Variants in PRKG2 observed in about 807,000 individuals in gnomAD.
PRKG2 encodes the protein protein kinase cGMP-dependent 2, also known as cGMP-dependent protein kinase 2.
A neutral mutation model predicts 97.2 loss-of-function variants in PRKG2; 33 were observed. That is an observed-to-expected ratio of 0.34 (90% CI 0.26 to 0.45). PRKG2 has a LOEUF of 0.45. PRKG2 is among the 20% of genes least tolerant of loss of function. PRKG2 has a pLI of 1.00. For missense variants in PRKG2, 638 were observed against 900.0 expected (o/e 0.71, Z 3.73); for synonymous variants, 330 against 321.8 (o/e 1.03, Z -0.27).
chr4:81,119,730 A>C (rs1415101013), intron 14 of PRKG2, among the ~76,000 whole-genome samples: 1 of 151,282 alleles, frequency 6.6e-6, no homozygotes, highest in African/African-American at 2.4e-5. Context: ...GCTGGAGTGC[A>C]GTGGTGAGAT....
At chr4:81,145,486 T>C (rs1747771143) in intron 9 of PRKG2, among the ~76,000 whole-genome samples, 1 of 152,172 alleles carries the variant, frequency 6.6e-6, no homozygotes, top group African/African-American at 2.4e-5. Flanking sequence ...CTTTAGTAGT[T>C]CTCTGAGGAT....
rs537798597 is a variant in PRKG2 at position 81,135,385 on chromosome 4, T to C, written c.1635-89A>G. The C allele has an allele frequency of 2.7e-4, 362 of 1,330,022 alleles. 1 individual carries two copies. The East Asian group carries it at 4.1e-3, about 15-fold the overall frequency. The allele number at this position is 1,330,022 out of a possible 1,614,324, so 82.4% of individuals were successfully genotyped here. A position where few individuals can be genotyped will look rare whatever the true frequency, so the allele number is the denominator to read the frequency against. On this transcript the variant is annotated intron_variant, in intron 13 of 18. Coordinates refer to ENST00000264399, the MANE Select transcript of PRKG2 (RefSeq NM_006259.3). ...TCAAATCAATTATTGGATTGGCAGG[T>C]TTATGCAATATAAATATTTTGCAGG... is the stretch of plus-strand genomic sequence containing the variant.
chr4:81,112,900 A>T (rs191995856), intron 14 of PRKG2, among the ~76,000 whole-genome samples: 2 of 152,364 alleles, frequency 1.3e-5, no homozygotes, highest in East Asian at 3.9e-4. Context: ...TAGACAACAG[A>T]AAGTTAATAA....
At chr4:81,094,010 T>C (rs1416077170) in intron 17 of PRKG2, among the ~76,000 whole-genome samples, 1 of 152,202 alleles carries the variant, frequency 6.6e-6, no homozygotes, top group African/African-American at 2.4e-5. Context: ...ATAGACTTGC[T>C]TGATGCAGGG....
rs561190055 is a variant in PRKG2 at position 81,098,094 on chromosome 4, C to T, written c.2127-5642G>A. On this transcript the variant is annotated intron_variant, in intron 17 of 18. Transcript: ENST00000264399. ...GTGGGCTGGGAAAGGCAGACCCACC[C>T]GTAATCTCAGTGGGCACAACCTAAT... Among the ~76,000 whole-genome samples the T allele has an allele frequency of 5.3e-5, 8 of 152,074 alleles. 1 individual carries two copies. The South Asian group carries it at 1.2e-3, about 24-fold the overall frequency.
intron 9 of PRKG2, among the ~76,000 whole-genome samples, chr4:81,145,645 T>C (rs1747787979): frequency 6.6e-6 from 1 of 152,148 alleles, no homozygotes; most frequent in African/African-American, 2.4e-5. Flanking sequence ...TCCTCACCAG[T>C]GAAAGGTCAA....
At chr4:81,172,992 A>G (rs929590437) in intron 3 of PRKG2, among the ~76,000 whole-genome samples, 6 of 152,134 alleles carry the variant, frequency 3.9e-5, no homozygotes, top group Non-Finnish European at 8.8e-5. Flanking sequence ...GCTAAATTCT[A>G]TTCTATCAAA....
chr4:81,156,787 C>T (rs1414269193), intron 6 of PRKG2, among the ~76,000 whole-genome samples: 9 of 152,102 alleles, frequency 5.9e-5, no homozygotes, highest in African/African-American at 1.4e-4. Flanking sequence ...CACTCAAAAC[C>T]GCCAACTACA....
intron 18 of PRKG2, among the ~76,000 whole-genome samples, chr4:81,091,065 G>C (rs56236182): frequency 0.049 from 7,456 of 152,140 alleles, 658 homozygotes; most frequent in African/African-American, 0.17. Context: ...GGCATTTAAA[G>C]AATGATCAAG....
chr4:81,131,210 T>C (rs1478646874), intron 14 of PRKG2, among the ~76,000 whole-genome samples: 1 of 151,962 alleles, frequency 6.6e-6, no homozygotes, highest in African/African-American at 2.4e-5. Flanking sequence ...CACAGCACAG[T>C]CCCTCATGGC....
At position 81,139,117 on chromosome 4, in the gene PRKG2, A is replaced by G. The variant is rs150756344; in HGVS notation, c.1544+1416T>C. On this transcript the variant is annotated intron_variant, in intron 12 of 18. Transcript: ENST00000264399. Reference sequence around the variant, plus strand: ...CTACCCATGAATTCACAAGGATAGAAAGCTGTGGTCTATAATAATTAATAT... The same window carrying G: ...CTACCCATGAATTCACAAGGATAGAGAGCTGTGGTCTATAATAATTAATAT... 9.9e-3 allele frequency among the ~76,000 whole-genome samples: 1,511 copies of G among 152,296 alleles called. 27 individuals are homozygous for G. The highest frequency in any genetic ancestry group is 0.034 in the African/African-American group (1,416 of 41,572).
chr4:81,168,677 C>T (rs1286017886), intron 5 of PRKG2, among the ~76,000 whole-genome samples: 1 of 152,048 alleles, frequency 6.6e-6, no homozygotes, highest in Admixed American at 6.6e-5. Context: ...GATAGAGAAC[C>T]TGCTTGTCAT....
At chr4:81,146,329 A>G (rs1747854915) in intron 9 of PRKG2, among the ~76,000 whole-genome samples, 1 of 152,194 alleles carries the variant, frequency 6.6e-6, no homozygotes, top group African/African-American at 2.4e-5. Flanking sequence ...ATATTCAAAT[A>G]GCCTACATTA....
intron 14 of PRKG2, among the ~76,000 whole-genome samples, chr4:81,133,606 G>A (rs1394076466): frequency 6.6e-6 from 1 of 152,152 alleles, no homozygotes; most frequent in Non-Finnish European, 1.5e-5. Flanking sequence ...TCATCCAGTA[G>A]ACATTTTGTA....
intron 14 of PRKG2, among the ~76,000 whole-genome samples, chr4:81,125,249 A>G (rs1745439804): frequency 6.6e-6 from 1 of 152,208 alleles, no homozygotes; most frequent in Non-Finnish European, 1.5e-5. Context: ...AGCTGCAACC[A>G]CTATACTGTC....
chr4:81,201,039 G>T (rs979186218), intron 2 of PRKG2, among the ~76,000 whole-genome samples: 1 of 152,100 alleles, frequency 6.6e-6, no homozygotes, highest in Admixed American at 6.6e-5. Context: ...ATTTTCTGTG[G>T]CGTTGTCCTA....
chr4:81,135,095 C>T, intron 14 of PRKG2, 60 bp downstream of exon 14: 1 of 1,473,252 alleles, frequency 6.8e-7, no homozygotes, highest in Non-Finnish European at 9.2e-7. Context: ...GCAACTAGAA[C>T]ACAACTTTTG....
At chr4:81,208,971 G>T (rs933830399) in intron 1 of PRKG2, among the ~76,000 whole-genome samples, 6 of 152,054 alleles carry the variant, frequency 3.9e-5, no homozygotes, top group Non-Finnish European at 8.8e-5. Context: ...TTAAAACATG[G>T]AGGCCCACCT....
rs549903714 is a variant in PRKG2, at chr4:81,160,015, C to T, written c.913-6294G>A. Among the ~76,000 whole-genome samples, 9 of 150,956 alleles carry T rather than the reference C, an allele frequency of 6.0e-5. 1 individual carries two copies. The South Asian group carries it at 1.7e-3, about 28-fold the overall frequency. On this transcript the variant is annotated intron_variant, in intron 6 of 18. Transcript: ENST00000264399. Reference sequence around the variant, plus strand: ...GGGAGATATACCTAATGCTAGATGACGAATTAGTGGGTGCAGCGCACCAGC... The same window carrying T: ...GGGAGATATACCTAATGCTAGATGATGAATTAGTGGGTGCAGCGCACCAGC...
Sources: gnomAD v4.1 joint callset for allele counts (sites outside exome capture counted in the v4.1 genomes callset) on GRCh38, gnomAD v4.1.1 for gene constraint, MANE v1.5 for transcripts, NCBI Gene and HGNC (gene_info 2026-07-23, HGNC 2026-07-21) for gene names.